SPMIP7: variants seen among roughly 807,000 people sequenced by gnomAD.
SPMIP7 encodes the protein sperm microtubule inner protein 7.
chr7:50,124,084 T>A, the SPMIP7 span, among the ~76,000 whole-genome samples: 1 of 152,148 alleles, frequency 6.6e-6, no homozygotes, highest in African/African-American at 2.4e-5. Context: ...TAGGCTGTAG[T>A]GGCTATTTTG....
the SPMIP7 span, among the ~76,000 whole-genome samples, chr7:50,133,455 T>A: frequency 6.6e-6 from 1 of 152,274 alleles, no homozygotes; most frequent in Admixed American, 6.5e-5. Context: ...CCATAGTTGA[T>A]TTGTAAATTA....
chr7:50,125,253 TATATATAC>T, the SPMIP7 span, among the ~76,000 whole-genome samples: 1 of 49,536 alleles, frequency 2.0e-5, no homozygotes, highest in Non-Finnish European at 3.7e-5. Flanking sequence ...TATATACACA[TATATATAC>T]ACACATATAT....
At chr7:50,103,422 C>A in the SPMIP7 span, among the ~76,000 whole-genome samples, 2 of 152,148 alleles carry the variant, frequency 1.3e-5, no homozygotes, top group Admixed American at 1.3e-4. Context: ...AACCCTTCAA[C>A]GGCAATCCAT....
chr7:50,111,426 C>G, the SPMIP7 span, among the ~76,000 whole-genome samples: 1 of 152,056 alleles, frequency 6.6e-6, no homozygotes, highest in African/African-American at 2.4e-5. Flanking sequence ...TGGCCAATGC[C>G]ACCCTAATCT....
the SPMIP7 span, chr7:50,134,249 C>T: frequency 1.3e-6 from 2 of 1,531,196 alleles, no homozygotes; most frequent in Non-Finnish European, 1.8e-6. Context: ...TAACTCAGGT[C>T]AGCAGACTTC....
At chr7:50,150,757 G>GGA in the SPMIP7 span, among the ~76,000 whole-genome samples, 5 of 152,206 alleles carry the variant, frequency 3.3e-5, no homozygotes, top group South Asian at 1.0e-3. Context: ...TGCCTTTTCT[G>GGA]GAGAGAGAGA....
chr7:50,131,003 G>C, the SPMIP7 span, among the ~76,000 whole-genome samples: 2 of 152,124 alleles, frequency 1.3e-5, no homozygotes, highest in Non-Finnish European at 2.9e-5. Context: ...CTGTCATTCT[G>C]AGTGACATGA....
chr7:50,136,045 CA>C, the SPMIP7 span: 1 of 1,348,530 alleles, frequency 7.4e-7, no homozygotes, highest in Non-Finnish European at 1.0e-6. Flanking sequence ...GTTTATCCAC[CA>C]GAAATTATAA....
chr7:50,121,116 G>A, the SPMIP7 span, among the ~76,000 whole-genome samples: 15 of 152,212 alleles, frequency 9.9e-5, no homozygotes, highest in Admixed American at 9.8e-4. Context: ...AAAAAAACAC[G>A]AGGAAAGCAT....
At chr7:50,130,775 A>T in the SPMIP7 span, among the ~76,000 whole-genome samples, 4 of 152,034 alleles carry the variant, frequency 2.6e-5, no homozygotes, top group Admixed American at 1.3e-4. Context: ...GAGAGCAGCC[A>T]TGCAGAGATT....
chr7:50,131,574 G>A, the SPMIP7 span, among the ~76,000 whole-genome samples: 1 of 152,168 alleles, frequency 6.6e-6, no homozygotes, highest in Admixed American at 6.6e-5. Context: ...AAAGGGCACT[G>A]AGTCCTGGCA....
the SPMIP7 span, among the ~76,000 whole-genome samples, chr7:50,145,616 G>GTGTA: frequency 3.7e-5 from 1 of 26,946 alleles, no homozygotes; most frequent in African/African-American, 1.5e-4. Context: ...GTATATGTGT[G>GTGTA]TGTATATATA....
At chr7:50,127,540 C>A in the SPMIP7 span, among the ~76,000 whole-genome samples, 1 of 150,626 alleles carries the variant, frequency 6.6e-6, no homozygotes, top group Non-Finnish European at 1.5e-5. Flanking sequence ...AGACCTCAAA[C>A]AACTCTATAG....
chr7:50,107,402 G>GAA, the SPMIP7 span, among the ~76,000 whole-genome samples: 12 of 97,336 alleles, frequency 1.2e-4, no homozygotes, highest in African/African-American at 2.0e-4. Context: ...AAAAGAAAAA[G>GAA]AAAAAAAAAA....
chr7:50,143,696 T>A, the SPMIP7 span, among the ~76,000 whole-genome samples: 55 of 152,346 alleles, frequency 3.6e-4, no homozygotes, highest in African/African-American at 1.3e-3. Flanking sequence ...TAGAACTGAA[T>A]CTGATCATTA....
At chr7:50,144,026 C>A in the SPMIP7 span, among the ~76,000 whole-genome samples, 3 of 152,106 alleles carry the variant, frequency 2.0e-5, no homozygotes, top group Admixed American at 2.0e-4. Flanking sequence ...AAATTATTTA[C>A]TTAAGTGACA....
the SPMIP7 span, among the ~76,000 whole-genome samples, chr7:50,143,971 A>G: frequency 6.6e-6 from 1 of 152,222 alleles, no homozygotes; most frequent in African/African-American, 2.4e-5. Context: ...TAGGTTACAT[A>G]TGTAAATTGT....
At chr7:50,096,480 AT>A in the SPMIP7 span, 1 of 1,551,750 alleles carries the variant, frequency 6.4e-7, no homozygotes, top group African/African-American at 1.4e-5. Flanking sequence ...ACCCTAGTGG[AT>A]TTTAGTGATG....
the SPMIP7 span, chr7:50,121,393 G>C: frequency 6.6e-6 from 1 of 152,240 alleles, no homozygotes; most frequent in Non-Finnish European, 1.5e-5. Flanking sequence ...ATGCAGCTGT[G>C]TTGCAGCCAA....
Sources: gnomAD v4.1 joint callset for allele counts (sites outside exome capture counted in the v4.1 genomes callset) on GRCh38, gnomAD v4.1.1 for gene constraint, MANE v1.5 for transcripts, NCBI Gene and HGNC (gene_info 2026-07-23, HGNC 2026-07-21) for gene names.